The following GRIN2A variants were observed in gnomAD, a reference collection of about 807,000 sequenced individuals.
GRIN2A encodes the protein glutamate receptor ionotropic, NMDA 2A.
Under a neutral mutation model 113.4 loss-of-function variants are expected in GRIN2A, and 22 were observed. The observed-to-expected ratio is 0.19, with a 90% CI of 0.14 to 0.28. The LOEUF is 0.28. GRIN2A is among the 10% of genes least tolerant of loss of function. The probability of loss-of-function intolerance (pLI) is 1.00; values close to 1 mark genes in which losing one functional copy is unlikely to be tolerated. For missense variants in GRIN2A, 1,502 were observed against 1,887.0 expected (o/e 0.80, Z 3.78); for synonymous variants, 827 against 738.4 (o/e 1.12, Z -1.94).
At chr16:9,979,809 A>ATATATATATATATATATATG (rs1567213698) in intron 2 of GRIN2A, among the ~76,000 whole-genome samples, 3 of 133,418 alleles carry the variant, frequency 2.2e-5, no homozygotes, top group Admixed American at 7.6e-5. Flanking sequence ...ATATATATAT[A>ATATATATATATATATATATG]TATGTATATG....
chr16:9,914,824 G>A (rs1448611622), intron 3 of GRIN2A, among the ~76,000 whole-genome samples: 1 of 147,026 alleles, frequency 6.8e-6, no homozygotes, highest in Admixed American at 6.9e-5. Context: ...CAGCTAAGGG[G>A]CAGAAGAGCC....
At position 10,055,110 on chromosome 16, in the gene GRIN2A, AAG is replaced by A. The variant is rs1450780366; in HGVS notation, c.415-116561_415-116560del. Among the ~76,000 whole-genome samples the A allele has an allele frequency of 1.7e-4, 16 of 96,810 alleles. 1 individual carries two copies. The highest frequency in any genetic ancestry group is 4.4e-4 in the African/African-American group (10 of 22,876). 63.5% of individuals were successfully genotyped at this position (96,810 alleles called of 152,430 possible). A position where few individuals can be genotyped will look rare whatever the true frequency, so the allele number is the denominator to read the frequency against. On this transcript the variant is annotated intron_variant, in intron 2 of 12. Coordinates refer to ENST00000330684, the MANE Select transcript of GRIN2A (RefSeq NM_001134407.3). ...AGAAAAAAGAAAGAAAGAAAGAAAA[AAG>A]AAAAAAAAAACAGTAGTTGGAAAAA...
Position 10,180,343 on chromosome 16 carries a change from C to A in GRIN2A, c.69G>T (p.Pro23=). Reference sequence around the variant, plus strand: ...GGGGACCCTTCTCCGCCGCCGCGCTCGGCGCCGGACCGCGCCAGACCAGAA... The same window carrying A: ...GGGGACCCTTCTCCGCCGCCGCGCTAGGCGCCGGACCGCGCCAGACCAGAA... ...PALLVWRGPA[P]SAAAEKGPPA... is the part of the protein sequence containing the mutation. Residue 23 remains proline (P), a synonymous_variant, in exon 2 of 13, where the codon CCG becomes CCT. Coordinates refer to ENST00000330684, the MANE Select transcript of GRIN2A (RefSeq NM_001134407.3). The surrounding 1 kb of genome is among the most constrained non-coding windows in gnomAD (Gnocchi z 7.0). The A allele has an allele frequency of 1.9e-6, 3 of 1,608,620 alleles. No individual in the cohort carries two copies. Among genetic ancestry groups the A allele is most frequent in the Non-Finnish European group, 2.5e-6 (3 of 1,179,834 alleles).
At chr16:9,901,489 C>A (rs1008499404) in intron 3 of GRIN2A, among the ~76,000 whole-genome samples, 1 of 152,142 alleles carries the variant, frequency 6.6e-6, no homozygotes, top group Admixed American at 6.5e-5. Flanking sequence ...GAGACACAGT[C>A]TTGTCTGTCA....
At chr16:9,778,279 A>G (rs985170616) in intron 11 of GRIN2A, among the ~76,000 whole-genome samples, 1 of 152,234 alleles carries the variant, frequency 6.6e-6, no homozygotes, top group Admixed American at 6.5e-5. Context: ...GTAGGAATCC[A>G]GGAAACCTTA....
At chr16:9,813,729 G>C (rs930277410) in intron 10 of GRIN2A, among the ~76,000 whole-genome samples, 1 of 150,718 alleles carries the variant, frequency 6.6e-6, no homozygotes, top group African/African-American at 2.4e-5. Context: ...GTGTTTACTT[G>C]AGTTTTTATT....
At chr16:10,062,710 CA>C (rs772351136) in intron 2 of GRIN2A, among the ~76,000 whole-genome samples, 1 of 152,012 alleles carries the variant, frequency 6.6e-6, no homozygotes, top group Non-Finnish European at 1.5e-5. Context: ...ACTAAAAACA[CA>C]AAAATTAGTT....
At chr16:9,900,000 G>T (rs1292536495) in intron 3 of GRIN2A, among the ~76,000 whole-genome samples, 1 of 152,196 alleles carries the variant, frequency 6.6e-6, no homozygotes, top group Non-Finnish European at 1.5e-5. Flanking sequence ...TAACAGCCAT[G>T]TCACTGGGTA....
intron 2 of GRIN2A, among the ~76,000 whole-genome samples, chr16:10,067,424 T>C (rs546766563): frequency 6.6e-6 from 1 of 152,282 alleles, no homozygotes; most frequent in South Asian, 2.1e-4. Context: ...TTAGGCAAAA[T>C]AAAAAATATA....
At chr16:9,769,567 C>T (rs966716440) in intron 11 of GRIN2A, among the ~76,000 whole-genome samples, 10 of 150,044 alleles carry the variant, frequency 6.7e-5, no homozygotes, top group Admixed American at 2.7e-4. Flanking sequence ...AAGGGCAGAA[C>T]GTGACAATAG....
rs181497867 is a variant in GRIN2A, at chr16:9,756,986, A to T, written c.*6163T>A. 247 of 195,804 alleles carry T rather than the reference A, an allele frequency of 1.3e-3. 1 individual carries two copies. Among genetic ancestry groups the T allele is most frequent in the African/African-American group, 5.2e-3 (225 of 43,426 alleles). 12.1% of individuals were successfully genotyped at this position (195,804 alleles called of 1,614,324 possible). A position where few individuals can be genotyped will look rare whatever the true frequency, so the allele number is the denominator to read the frequency against. The stretch of plus-strand genomic sequence containing the variant: ...TTTTCCCTCTATGCTTCCCTGATAC[A>T]TTCATACCCTGGTGTATCAGAAGGG... On this transcript the variant is annotated 3_prime_UTR_variant, in exon 13 of 13. Transcript: ENST00000330684.
chr16:9,814,936 G>A (rs202124039), intron 10 of GRIN2A, among the ~76,000 whole-genome samples: 2 of 151,196 alleles, frequency 1.3e-5, no homozygotes, highest in Admixed American at 6.6e-5. Context: ...CAGGAGAATC[G>A]CTTGAACCCG....
chr16:9,879,540 T>C (rs1157258388), intron 4 of GRIN2A, among the ~76,000 whole-genome samples: 1 of 152,196 alleles, frequency 6.6e-6, no homozygotes, highest in Non-Finnish European at 1.5e-5. Context: ...TTCCTCCCCA[T>C]ACCTCTCTTC....
At chr16:10,009,684 A>T (rs2046468486) in intron 2 of GRIN2A, among the ~76,000 whole-genome samples, 3 of 152,066 alleles carry the variant, frequency 2.0e-5, no homozygotes, top group African/African-American at 7.2e-5. Flanking sequence ...ATAAGCACAG[A>T]TTGCAAAACT....
intron 2 of GRIN2A, among the ~76,000 whole-genome samples, chr16:10,104,716 G>A (rs544443594): frequency 3.3e-5 from 5 of 152,206 alleles, no homozygotes; most frequent in South Asian, 2.1e-4. Flanking sequence ...AAAGCATACC[G>A]AAAAATAAAT....
At chr16:10,033,912 TGAG>T (rs1281156134) in intron 2 of GRIN2A, 1 of 152,340 alleles carries the variant, frequency 6.6e-6, no homozygotes, top group African/African-American at 2.4e-5. Flanking sequence ...GAAAGGCAGC[TGAG>T]AAGTGCCTTC....
chr16:9,806,283 C>T lies in GRIN2A; in HGVS notation c.2169-7819G>A, dbSNP rs570492079. Reference sequence around the variant, plus strand: ...TTTCTTTTGTGGTTATTATTTCCACCAAGTCAAGTCCATTTCTCCTGGGTC... The same window carrying T: ...TTTCTTTTGTGGTTATTATTTCCACTAAGTCAAGTCCATTTCTCCTGGGTC... On this transcript the variant is annotated intron_variant, in intron 10 of 12. Coordinates refer to ENST00000330684, the MANE Select transcript of GRIN2A (RefSeq NM_001134407.3). 6.6e-4 allele frequency among the ~76,000 whole-genome samples: 101 copies of T among 152,194 alleles called. 2 individuals are homozygous for T. The highest frequency in any genetic ancestry group is 2.1e-4 in the Non-Finnish European group (14 of 67,998).
intron 8 of GRIN2A, 54 bp from the exon 9 acceptor site, chr16:9,829,706 G>A: frequency 7.7e-7 from 1 of 1,305,514 alleles, no homozygotes; most frequent in Non-Finnish European, 1.1e-6. Context: ...ATGCCTGTTT[G>A]TGTATGACAA....
At chr16:10,114,267 G>A (rs2048684532) in intron 2 of GRIN2A, among the ~76,000 whole-genome samples, 1 of 152,202 alleles carries the variant, frequency 6.6e-6, no homozygotes, top group South Asian at 2.1e-4. Context: ...GTGCTCTGCA[G>A]CAATGCCAAT....
Sources: gnomAD v4.1 joint callset for allele counts (sites outside exome capture counted in the v4.1 genomes callset) on GRCh38, gnomAD v4.1.1 for gene constraint, Gnocchi (gnomAD v3.1) non-coding constraint, MANE v1.5 for transcripts, NCBI Gene and HGNC (gene_info 2026-07-23, HGNC 2026-07-21) for gene names.